C22orf31: variants seen among roughly 807,000 people sequenced by gnomAD.
C22orf31 encodes uncharacterized protein C22orf31.
C22orf31 carries 11 observed loss-of-function variants against 15.0 expected under a neutral mutation model. The ratio of observed to expected loss-of-function variants is 0.73; its 90% CI spans 0.46 to 1.21. C22orf31 has a LOEUF of 1.21. Among genes scored for constraint, C22orf31 ranks in the 50% most tolerant of loss-of-function variants. C22orf31 has a pLI of 0.00. For missense variants in C22orf31, 340 were observed against 347.2 expected, an observed-to-expected ratio of 0.98 and a Z score of 0.17; for synonymous variants, 132 against 133.3, an observed-to-expected ratio of 0.99 and a Z score of 0.07.
At chr22:29,059,343 G>T (rs775254460) in intron 2 of C22orf31, among the ~76,000 whole-genome samples, 161 bp from the exon 3 acceptor site, 1 of 152,152 alleles carries the variant, frequency 6.6e-6, no homozygotes, top group Non-Finnish European at 1.5e-5. Flanking sequence ...ACCACTGCAT[G>T]TGTTCCCCAT....
At chr22:29,059,724 G>A in intron 2 of C22orf31, 4 of 985,316 alleles carry the variant, frequency 4.1e-6, no homozygotes, top group Non-Finnish European at 4.8e-6. Context: ...TTCTCCATGT[G>A]GACGCTCACA....
rs755190361 is a variant in C22orf31, at chr22:29,060,780, A to T, written c.67T>A (p.Leu23Ile). ...TAGCAGTCCTGAAGCCTGGTATTTA[A>T]TAAGATGGACTGTCGGAGTCCATAG... ...PIYGLRQSIL[L>I]NTRLQDCYVD... The change falls in exon 2 of 3, where the codon TTA becomes ATA. Residue 23 changes from leucine to isoleucine, a missense_variant. Transcript: ENST00000216071. 1 of 1,614,094 alleles carries T rather than the reference A, an allele frequency of 6.2e-7. No homozygotes were observed. Among genetic ancestry groups the T allele is most frequent in the Admixed American group, 1.7e-5 (1 of 60,012 alleles).
rs763805355 is a variant in C22orf31, at chr22:29,059,138, A to T, written c.477T>A (p.Asp159Glu). 6.2e-7 allele frequency: 1 copy of T among 1,612,870 alleles called. No homozygotes were observed. Among genetic ancestry groups the T allele is most frequent in the East Asian group, 2.2e-5 (1 of 44,882 alleles). ...CATGTTCAGCATATCTGTCCTCAAG[A>T]TCTTGGCGGACTGTTAGTTTTTTCT... ...SKEKKLTVRQ[D>E]LEDRYAEHVA... is the part of the protein sequence containing the mutation. The change falls in exon 3 of 3, where the codon GAT becomes GAA. Residue 159 changes from aspartate to glutamate, a missense_variant. By Grantham distance (45) the Asp-to-Glu change is conservative (BLOSUM62 2). Coordinates refer to ENST00000216071, the MANE Select transcript of C22orf31 (RefSeq NM_015370.2).
the C22orf31 span, among the ~76,000 whole-genome samples, chr22:29,069,106 GT>G: frequency 6.6e-6 from 1 of 152,122 alleles, no homozygotes; most frequent in East Asian, 1.9e-4. Context: ...CACTGCCTGG[GT>G]TCAAAGCCCA....
the C22orf31 span, among the ~76,000 whole-genome samples, chr22:29,070,887 G>A: frequency 0.047 from 7,234 of 152,312 alleles, 214 homozygotes; most frequent in East Asian, 0.12. Context: ...CCAAGAGGAA[G>A]GTTTGGTCTT....
intron 2 of C22orf31, chr22:29,059,790 A>C: frequency 1.0e-6 from 1 of 985,252 alleles, no homozygotes; most frequent in Non-Finnish European, 1.2e-6. Context: ...GTGCACAAGC[A>C]TGCACTACCC....
upstream of C22orf31, among the ~76,000 whole-genome samples, chr22:29,063,229 A>T (rs376631422): frequency 7.9e-5 from 12 of 151,994 alleles, no homozygotes; most frequent in East Asian, 2.3e-3. Context: ...CAGTGGTGCG[A>T]TCTCGGCTCA....
chr22:29,063,107 CT>C (rs1420289787), upstream of C22orf31, among the ~76,000 whole-genome samples: 1 of 152,082 alleles, frequency 6.6e-6, no homozygotes, highest in Non-Finnish European at 1.5e-5. Flanking sequence ...TTGAGTTTGG[CT>C]TTCCTGCACC....
chr22:29,059,916 C>G, intron 2 of C22orf31: 1 of 985,122 alleles, frequency 1.0e-6, no homozygotes, highest in Non-Finnish European at 1.2e-6. Flanking sequence ...TAGCATGACC[C>G]CAAAATCTGG....
At position 29,059,135 on chromosome 22, in the gene C22orf31, A is replaced by G. The variant is rs1303848287; in HGVS notation, c.480T>C (p.Leu160=). Residue 160 remains leucine, a synonymous_variant, in exon 3 of 3, where the codon CTT becomes CTC. Transcript: ENST00000216071. ...KEKKLTVRQD[L]EDRYAEHVAA... ...CCACATGTTCAGCATATCTGTCCTC[A>G]AGATCTTGGCGGACTGTTAGTTTTT... 3 of 1,613,460 alleles carry G rather than the reference A, an allele frequency of 1.9e-6. No homozygotes were observed. The highest frequency in any genetic ancestry group is 2.5e-6 in the Non-Finnish European group (3 of 1,179,766).
chr22:29,070,575 C>T, the C22orf31 span, among the ~76,000 whole-genome samples: 1 of 152,284 alleles, frequency 6.6e-6, no homozygotes, highest in East Asian at 1.9e-4. Flanking sequence ...TTGCTGAAGT[C>T]TTTCTCTGGC....
At chr22:29,064,525 T>TTGTTTC (rs1253225288), upstream of C22orf31, among the ~76,000 whole-genome samples, 2 of 151,796 alleles carry the variant, frequency 1.3e-5, no homozygotes, top group Non-Finnish European at 2.9e-5. Flanking sequence ...GTTTTTGTTT[T>TTGTTTC]TGTTTCAAGA....
chr22:29,072,042 A>G, the C22orf31 span, among the ~76,000 whole-genome samples: 1 of 152,218 alleles, frequency 6.6e-6, no homozygotes, highest in Non-Finnish European at 1.5e-5. Flanking sequence ...ACCAGGGGTC[A>G]GTATGTGGCT....
chr22:29,066,539 C>CTT (rs134565), upstream of C22orf31, among the ~76,000 whole-genome samples: 83 of 70,210 alleles, frequency 1.2e-3, 5 homozygotes, highest in Non-Finnish European at 1.8e-3. Flanking sequence ...CTTTTCTTTT[C>CTT]TTTTTTTTTT....
At chr22:29,059,319 T>A in intron 2 of C22orf31, 137 bp from the exon 3 acceptor site, 1 of 692,872 alleles carries the variant, frequency 1.4e-6, no homozygotes, top group Non-Finnish European at 2.4e-6. Flanking sequence ...TTTACTGAAT[T>A]CCTTTATGTA....
chr22:29,061,924 G>A, upstream of C22orf31: 1 of 739,522 alleles, frequency 1.4e-6, no homozygotes, highest in Non-Finnish European at 2.2e-6. Context: ...GTCTTTCTCT[G>A]CCTTAGTCAC....
At chr22:29,068,909 C>T in the C22orf31 span, among the ~76,000 whole-genome samples, 441 of 151,798 alleles carry the variant, frequency 2.9e-3, 2 homozygotes, top group Non-Finnish European at 4.5e-3. Flanking sequence ...AGACTACAGG[C>T]GCCCGCCACT....
At chr22:29,063,963 G>C (rs898932483), upstream of C22orf31, among the ~76,000 whole-genome samples, 15 of 152,160 alleles carry the variant, frequency 9.9e-5, no homozygotes, top group African/African-American at 3.6e-4. Flanking sequence ...CACCTCCCAG[G>C]TTCAAGGGAT....
At chr22:29,063,050 G>T (rs1275352756), upstream of C22orf31, among the ~76,000 whole-genome samples, 3 of 152,014 alleles carry the variant, frequency 2.0e-5, no homozygotes, top group Non-Finnish European at 2.9e-5. Flanking sequence ...AGCAAAAAAA[G>T]GCATAATAGG....
Sources: gnomAD v4.1 joint callset for allele counts (sites outside exome capture counted in the v4.1 genomes callset) on GRCh38, gnomAD v4.1.1 for gene constraint, MANE v1.5 for transcripts, NCBI Gene and HGNC (gene_info 2026-07-23, HGNC 2026-07-21) for gene names.